The following TRPC3 variants were observed in gnomAD, a reference collection of about 807,000 sequenced individuals.
TRPC3 encodes short transient receptor potential channel 3.
Under a neutral mutation model 90.9 loss-of-function variants are expected in TRPC3, and 54 were observed. The observed-to-expected ratio is 0.59, with a 90% CI of 0.48 to 0.75. The LOEUF is 0.75. TRPC3 is among the 30% of genes least tolerant of loss of function. TRPC3 has a pLI of 0.00. For missense variants in TRPC3, 918 were observed against 1,194.5 expected (o/e 0.77, Z 3.41); for synonymous variants, 424 against 450.9 (o/e 0.94, Z 0.75).
chr4:121,951,202 C>T lies in TRPC3; in HGVS notation c.215+264G>A, dbSNP rs1040394504. ...TGTCTGAAGTCAGTGTGCCCGCCTGCGGGCTGTTCCGTGTGCTTGAGCCTG... is the reference window on the plus strand; with the variant it reads ...TGTCTGAAGTCAGTGTGCCCGCCTGTGGGCTGTTCCGTGTGCTTGAGCCTG... On this transcript the variant is annotated intron_variant, in intron 1 of 11. Coordinates refer to ENST00000379645, the MANE Select transcript of TRPC3 (RefSeq NM_001130698.2). The surrounding 1 kb of genome is among the most constrained non-coding windows in gnomAD (Gnocchi z 4.4). Among the ~76,000 whole-genome samples, 1 of 152,164 alleles carries T rather than the reference C, an allele frequency of 6.6e-6. No individual in the cohort carries two copies. The highest frequency in any genetic ancestry group is 1.5e-5 in the Non-Finnish European group (1 of 68,020).
At chr4:121,948,580 T>A (rs932909047) in intron 1 of TRPC3, among the ~76,000 whole-genome samples, 13 of 152,214 alleles carry the variant, frequency 8.5e-5, no homozygotes, top group Non-Finnish European at 1.9e-4. Flanking sequence ...TATAGGATCC[T>A]CCGCACTAAT....
intron 1 of TRPC3, among the ~76,000 whole-genome samples, chr4:121,950,236 C>G (rs991903061): frequency 3.9e-5 from 6 of 152,200 alleles, no homozygotes; most frequent in Admixed American, 1.3e-4. Context: ...TGTGTTCTAC[C>G]GGCAGGTCCA....
At chr4:121,947,451 A>T (rs1163886623) in intron 1 of TRPC3, among the ~76,000 whole-genome samples, 1 of 152,152 alleles carries the variant, frequency 6.6e-6, no homozygotes, top group Non-Finnish European at 1.5e-5. Flanking sequence ...AGACTGGAAC[A>T]TTTATACAAG....
intron 11 of TRPC3, 119 bp from the exon 12 acceptor site, chr4:121,879,997 T>C (rs1727886969): frequency 1.1e-6 from 1 of 893,746 alleles, no homozygotes; most frequent in Non-Finnish European, 1.6e-6. Flanking sequence ...AGGTAGCTAC[T>C]TCAAAGTTTT....
chr4:121,887,362 T>C (rs913817874), intron 10 of TRPC3, among the ~76,000 whole-genome samples: 24 of 152,258 alleles, frequency 1.6e-4, no homozygotes, highest in Non-Finnish European at 2.8e-4. Context: ...ACTGCCATTC[T>C]ACTTCAATGG....
At chr4:121,926,871 C>G (rs1186468473) in intron 2 of TRPC3, among the ~76,000 whole-genome samples, 1 of 152,218 alleles carries the variant, frequency 6.6e-6, no homozygotes, top group African/African-American at 2.4e-5. Flanking sequence ...AATGCAAATT[C>G]TCAGACCCCA....
rs72680779 is a variant in TRPC3 at position 121,876,108 on chromosome 4, C to T, written c.*3628G>A. Among the ~76,000 whole-genome samples, 40,907 of 151,164 alleles carry T rather than the reference C, an allele frequency of 0.27. 6,158 individuals are homozygous for T. Among genetic ancestry groups the T allele is most frequent in the Non-Finnish European group, 0.32 (21,893 of 67,744 alleles). Reference sequence around the variant, plus strand: ...GTAGAGACAGTTTCACCATGTTGCCCTGCTGGTCTCGAACTCCTGAACTGA... The same window carrying T: ...GTAGAGACAGTTTCACCATGTTGCCTTGCTGGTCTCGAACTCCTGAACTGA... On this transcript the variant is annotated 3_prime_UTR_variant, in exon 12 of 12. Transcript: ENST00000379645.
intron 2 of TRPC3, among the ~76,000 whole-genome samples, chr4:121,931,393 C>A (rs1400442628): frequency 6.6e-6 from 1 of 151,980 alleles, no homozygotes; most frequent in South Asian, 2.1e-4. Context: ...TAATATTGAT[C>A]GGAACTATGA....
intron 2 of TRPC3, chr4:121,930,803 T>C (rs892807368): frequency 2.6e-6 from 1 of 381,460 alleles, no homozygotes; most frequent in East Asian, 8.9e-5. Flanking sequence ...TAAACGGAAT[T>C]TGGAGTTTTC....
At chr4:121,930,071 C>A (rs1031851121) in intron 2 of TRPC3, among the ~76,000 whole-genome samples, 2 of 151,534 alleles carry the variant, frequency 1.3e-5, no homozygotes, top group Admixed American at 6.6e-5. Context: ...CCCTGACAGA[C>A]GGACATGAAC....
intron 7 of TRPC3, among the ~76,000 whole-genome samples, chr4:121,906,333 G>A (rs1176059007): frequency 6.6e-6 from 1 of 152,068 alleles, no homozygotes; most frequent in Non-Finnish European, 1.5e-5. Context: ...GAAGAAAATA[G>A]AATGTATAAA....
In TRPC3 at chr4:121,894,477, T is replaced by A. The variant is rs143315801; in HGVS notation, c.2547+5135A>T. ...AGAAAATCAACAAAAAACCATCAGATTTAAACTACACCAAGACCAATGGAC... is the reference window on the plus strand; with the variant it reads ...AGAAAATCAACAAAAAACCATCAGAATTAAACTACACCAAGACCAATGGAC... On this transcript the variant is annotated intron_variant, in intron 10 of 11. Coordinates refer to ENST00000379645, the MANE Select transcript of TRPC3 (RefSeq NM_001130698.2). 1.6e-3 allele frequency among the ~76,000 whole-genome samples: 244 copies of A among 150,482 alleles called. 10 individuals carry two copies. The East Asian group carries it at 0.044, about 27-fold the overall frequency.
At chr4:121,927,031 C>A (rs79450770) in intron 2 of TRPC3, among the ~76,000 whole-genome samples, 5,277 of 152,184 alleles carry the variant, frequency 0.035, 307 homozygotes, top group African/African-American at 0.12. Flanking sequence ...CACCTGTATA[C>A]AGAGGGTTTT....
intron 7 of TRPC3, among the ~76,000 whole-genome samples, chr4:121,905,908 A>C (rs536329992): frequency 6.6e-6 from 1 of 152,212 alleles, no homozygotes; most frequent in East Asian, 1.9e-4. Context: ...AAGAGTAAGA[A>C]AAACTATAAT....
chr4:121,941,077 A>G (rs1361682272), intron 1 of TRPC3, among the ~76,000 whole-genome samples: 2 of 152,212 alleles, frequency 1.3e-5, no homozygotes, highest in African/African-American at 2.4e-5. Flanking sequence ...GGGAATAAGA[A>G]AATGAACAAT....
intron 1 of TRPC3, among the ~76,000 whole-genome samples, chr4:121,948,599 C>T (rs565804181): frequency 6.6e-6 from 1 of 152,172 alleles, no homozygotes; most frequent in Admixed American, 6.6e-5. Flanking sequence ...ATGCCTCAAA[C>T]CAACATGTCC....
At chr4:121,903,520 T>C (rs930114266) in intron 8 of TRPC3, among the ~76,000 whole-genome samples, 2 of 152,182 alleles carry the variant, frequency 1.3e-5, no homozygotes, top group Non-Finnish European at 2.9e-5. Context: ...TCAGATGAAT[T>C]GCTTTTCGGC....
chr4:121,932,748 C>G lies in TRPC3; in HGVS notation c.510G>C (p.Glu170Asp), dbSNP rs1394789483. Residue 170 changes from glutamate to aspartate, a missense_variant, in exon 2 of 12, where the codon GAG (glutamate) becomes GAC (aspartate). By Grantham distance (45) the Glu-to-Asp change is conservative. Around this residue, in one of 4 missense-constraint regions of TRPC3, gnomAD observed 609 missense variants for 725.9 expected, o/e 0.84. Coordinates refer to ENST00000379645, the MANE Select transcript of TRPC3 (RefSeq NM_001130698.2). The surrounding 1 kb of genome is among the most constrained non-coding windows in gnomAD (Gnocchi z 7.7). The part of the protein sequence containing the change: ...LEVTELLLKK[E>D]NLARIGDALL... ...GGGCGTCGCCAATGCGCGCCAGGTT[C>G]TCCTTCTTGAGCAGCAGCTCGGTCA... The G allele has an allele frequency of 6.2e-7, 1 of 1,613,904 alleles. No individual in the cohort carries two copies. Among genetic ancestry groups the G allele is most frequent in the Non-Finnish European group, 8.5e-7 (1 of 1,179,832 alleles).
At chr4:121,943,193 C>T (rs1355967430) in intron 1 of TRPC3, among the ~76,000 whole-genome samples, 1 of 151,626 alleles carries the variant, frequency 6.6e-6, no homozygotes, top group African/African-American at 2.4e-5. Flanking sequence ...TTTTCCCCCC[C>T]TAGATTACAG....
Sources: allele counts gnomAD v4.1 joint callset (sites outside exome capture counted in the v4.1 genomes callset), GRCh38; gene constraint gnomAD v4.1.1; regional missense constraint gnomAD v4.1.1; non-coding constraint Gnocchi (gnomAD v3.1); transcripts MANE v1.5; gene names NCBI Gene and HGNC (gene_info 2026-07-23, HGNC 2026-07-21).